The following MTUS1 variants were observed in gnomAD, a reference collection of about 807,000 sequenced individuals.
MTUS1 encodes the protein microtubule-associated tumor suppressor 1.
In MTUS1, 109 loss-of-function variants were observed where a neutral mutation model predicts 120.8. That is an observed-to-expected ratio of 0.90 (90% CI 0.77 to 1.06). MTUS1 has a LOEUF of 1.06. Ranked by LOEUF, MTUS1 falls within the 50% of genes least tolerant of loss-of-function variation. The probability of loss-of-function intolerance (pLI) is 0.00; values close to 1 mark genes in which losing one functional copy is unlikely to be tolerated. For synonymous variants in MTUS1, 737 were observed against 550.5 expected (o/e 1.34, Z -4.74); for missense variants, 2,210 against 1,486.3 (o/e 1.49, Z -8.01).
At chr8:17,767,188 T>A (rs1310230185) in intron 1 of MTUS1, among the ~76,000 whole-genome samples, 8 of 105,300 alleles carry the variant, frequency 7.6e-5, no homozygotes, top group African/African-American at 1.7e-4. Flanking sequence ...ATCCTCAGGG[T>A]AAAAAAAAAA....
At chr8:17,784,789 C>CTTT (rs35184947) in intron 1 of MTUS1, among the ~76,000 whole-genome samples, 16 of 147,314 alleles carry the variant, frequency 1.1e-4, no homozygotes, top group African/African-American at 3.3e-4. Flanking sequence ...ACAAGAAGAA[C>CTTT]TTTTTTTTTT....
At chr8:17,696,070 C>G (rs936553918) in intron 6 of MTUS1, among the ~76,000 whole-genome samples, 6 of 152,294 alleles carry the variant, frequency 3.9e-5, no homozygotes, top group African/African-American at 1.4e-4. Context: ...ATAGGGCACC[C>G]TTTGTTATTT....
At chr8:17,659,920 C>T (rs1417984722) in intron 8 of MTUS1, among the ~76,000 whole-genome samples, 1 of 152,148 alleles carries the variant, frequency 6.6e-6, no homozygotes, top group African/African-American at 2.4e-5. Context: ...GACCATTTTA[C>T]TTTCTTTCTC....
chr8:17,703,005 C>T (rs968414614), intron 6 of MTUS1, among the ~76,000 whole-genome samples: 1 of 152,160 alleles, frequency 6.6e-6, no homozygotes, highest in Non-Finnish European at 1.5e-5. Flanking sequence ...TGTACGTCAC[C>T]TCAGGACCCT....
chr8:17,754,197 G>A lies in MTUS1; in HGVS notation c.1611C>T (p.Thr537=), dbSNP rs267601841. 6.2e-7 allele frequency: 1 copy of A among 1,613,974 alleles called. No individual in the cohort carries two copies. The highest frequency in any genetic ancestry group is 8.5e-7 in the Non-Finnish European group (1 of 1,180,012). The change falls in exon 2 of 15, where the codon ACC becomes ACT. Residue 537 remains threonine (T), a synonymous_variant. Transcript: ENST00000693296. ...LSKVTPRPQQ[T]SASSPSSVNS... ...TCACTGATGAGGGTGATGAGGCACT[G>A]GTCTGCTGAGGTCTGGGCGTGACCT...
At chr8:17,785,292 A>G (rs186360297) in intron 1 of MTUS1, among the ~76,000 whole-genome samples, 1 of 152,240 alleles carries the variant, frequency 6.6e-6, no homozygotes, top group Non-Finnish European at 1.5e-5. Flanking sequence ...TGGAGGCTAA[A>G]GGGACCCAGA....
At chr8:17,784,295 G>GCT (rs2051118336) in intron 1 of MTUS1, among the ~76,000 whole-genome samples, 1 of 125,422 alleles carries the variant, frequency 8.0e-6, no homozygotes, top group Non-Finnish European at 1.6e-5. Context: ...TCTTACAACT[G>GCT]TTTTTTTTTT....
chr8:17,695,146 G>A (rs981104214), intron 6 of MTUS1, among the ~76,000 whole-genome samples: 7 of 152,276 alleles, frequency 4.6e-5, no homozygotes, highest in Non-Finnish European at 8.8e-5. Flanking sequence ...TTTCTCGGAC[G>A]TTAAAATGAC....
At chr8:17,797,698 C>A (rs984984953) in intron 1 of MTUS1, among the ~76,000 whole-genome samples, 1 of 152,162 alleles carries the variant, frequency 6.6e-6, no homozygotes, top group African/African-American at 2.4e-5. Flanking sequence ...CAGAGAAAGT[C>A]TGAGGCCATT....
At chr8:17,671,038 A>C (rs569527409) in intron 8 of MTUS1, among the ~76,000 whole-genome samples, 1 of 152,216 alleles carries the variant, frequency 6.6e-6, no homozygotes, top group African/African-American at 2.4e-5. Flanking sequence ...GGATTGACAG[A>C]AATAGTCTAT....
At chr8:17,654,227 G>A (rs1302636094) in intron 10 of MTUS1, 3 of 316,866 alleles carry the variant, frequency 9.5e-6, no homozygotes, top group African/African-American at 6.3e-5. Context: ...GAGCACTTGG[G>A]GTGGATCCTT....
intron 1 of MTUS1, among the ~76,000 whole-genome samples, chr8:17,795,306 T>C (rs1197376036): frequency 1.3e-5 from 2 of 152,232 alleles, no homozygotes; most frequent in Non-Finnish European, 2.9e-5. Flanking sequence ...GGACACAAAA[T>C]GTCCTTAAAT....
chr8:17,655,830 C>T (rs374643111), intron 9 of MTUS1, 33 bp downstream of exon 9: 1 of 1,597,868 alleles, frequency 6.3e-7, no homozygotes, highest in African/African-American at 1.3e-5. Flanking sequence ...GCAGCAGAGG[C>T]CTCAGACAAG....
chr8:17,645,918 G>C lies in MTUS1; in HGVS notation c.*8C>G, dbSNP rs781352283. 1.2e-5 allele frequency: 20 copies of C among 1,608,336 alleles called. 1 individual carries two copies. The South Asian group carries it at 1.6e-4, about 13-fold the overall frequency. ...GCTTTCAGAGAGTCTGTGGACTTTG[G>C]GGAGGTGTCATCTGGGTGAAATGCT... is the stretch of plus-strand genomic sequence containing the variant. On this transcript the variant is annotated 3_prime_UTR_variant, in exon 15 of 15. Coordinates refer to ENST00000693296, the MANE Select transcript of MTUS1 (RefSeq NM_001363059.2).
At chr8:17,682,469 G>A (rs56245348) in intron 7 of MTUS1, among the ~76,000 whole-genome samples, 29,634 of 145,280 alleles carry the variant, frequency 0.2, 3,341 homozygotes, top group East Asian at 0.38. Context: ...AGTGAGCCCA[G>A]ATCACGCCAT....
chr8:17,764,188 G>T (rs1399099603), intron 1 of MTUS1, among the ~76,000 whole-genome samples: 2 of 152,066 alleles, frequency 1.3e-5, no homozygotes, highest in African/African-American at 4.8e-5. Context: ...CTTTTGTTTT[G>T]TCAAAACAAA....
intron 3 of MTUS1, among the ~76,000 whole-genome samples, chr8:17,737,403 G>GA (rs1167672622): frequency 1.3e-5 from 2 of 152,200 alleles, no homozygotes; most frequent in East Asian, 3.9e-4. Flanking sequence ...CTATTTTTAT[G>GA]AAAAGAGATC....
intron 1 of MTUS1, among the ~76,000 whole-genome samples, chr8:17,765,104 T>C (rs1159297052): frequency 6.6e-6 from 1 of 152,172 alleles, no homozygotes; most frequent in African/African-American, 2.4e-5. Context: ...GCTCGCAACC[T>C]AGATACCTCG....
At chr8:17,707,361 C>T (rs1359099121) in intron 6 of MTUS1, among the ~76,000 whole-genome samples, 3 of 152,166 alleles carry the variant, frequency 2.0e-5, no homozygotes, top group Non-Finnish European at 4.4e-5. Context: ...TCTGTCCACA[C>T]AGTAACTTTT....
Sources: allele counts gnomAD v4.1 joint callset (sites outside exome capture counted in the v4.1 genomes callset), GRCh38; gene constraint gnomAD v4.1.1; transcripts MANE v1.5; gene names NCBI Gene and HGNC (gene_info 2026-07-23, HGNC 2026-07-21).